The following SGCZ variants were observed in gnomAD, a reference collection of about 807,000 sequenced individuals.
The protein encoded by SGCZ is sarcoglycan zeta, also known as zeta-sarcoglycan.
In SGCZ, 40 loss-of-function variants were observed where a neutral mutation model predicts 41.3. The ratio of observed to expected loss-of-function variants is 0.97; its 90% CI spans 0.75 to 1.26. The LOEUF (loss-of-function observed/expected upper bound fraction) is 1.26, where lower values mean the gene tolerates loss of function less well. Among genes scored for constraint, SGCZ ranks in the 50% most tolerant of loss-of-function variants. The pLI is 0.00. For synonymous variants in SGCZ, 206 were observed against 137.5 expected (o/e 1.50, Z -3.49); for missense variants, 552 against 369.8 (o/e 1.49, Z -4.04).
At chr8:14,098,623 T>G (rs918670989) in intron 7 of SGCZ, among the ~76,000 whole-genome samples, 2 of 152,130 alleles carry the variant, frequency 1.3e-5, no homozygotes, top group African/African-American at 2.4e-5. Context: ...GACTGTGGTG[T>G]TTAAGTCTAC....
At chr8:14,749,804 A>C (rs1039445479) in intron 1 of SGCZ, among the ~76,000 whole-genome samples, 6 of 152,170 alleles carry the variant, frequency 3.9e-5, no homozygotes, top group Non-Finnish European at 7.3e-5. Context: ...TCCTGCCTCC[A>C]CTGGAAGACG....
chr8:14,336,847 A>C (rs1426993), intron 2 of SGCZ, among the ~76,000 whole-genome samples: 1 of 151,954 alleles, frequency 6.6e-6, no homozygotes, highest in Admixed American at 6.6e-5. Flanking sequence ...AAGAATTACT[A>C]TCATCTCTAT....
chr8:14,807,108 C>G (rs1038880820), intron 1 of SGCZ, among the ~76,000 whole-genome samples: 1 of 151,780 alleles, frequency 6.6e-6, no homozygotes, highest in African/African-American at 2.4e-5. Flanking sequence ...CTATGACAAA[C>G]CCACAGCCAA....
chr8:14,395,926 G>C (rs769813961), intron 2 of SGCZ, among the ~76,000 whole-genome samples: 10 of 152,194 alleles, frequency 6.6e-5, no homozygotes, highest in Non-Finnish European at 1.3e-4. Flanking sequence ...TTGTAGCAGA[G>C]GACAATTTCA....
At chr8:14,244,576 G>A (rs1234903044) in intron 3 of SGCZ, among the ~76,000 whole-genome samples, 2 of 151,900 alleles carry the variant, frequency 1.3e-5, no homozygotes, top group South Asian at 2.1e-4. Context: ...GGCGATGCGG[G>A]CTCTTTTTTG....
At chr8:14,684,859 AAC>A (rs1219761448) in intron 1 of SGCZ, among the ~76,000 whole-genome samples, 4 of 152,090 alleles carry the variant, frequency 2.6e-5, no homozygotes, top group Admixed American at 6.6e-5. Flanking sequence ...CCTTCACTGA[AAC>A]ACATGTGTGG....
intron 1 of SGCZ, among the ~76,000 whole-genome samples, chr8:15,047,323 C>T (rs1198595086): frequency 6.6e-6 from 1 of 151,906 alleles, no homozygotes; most frequent in East Asian, 1.9e-4. Flanking sequence ...TTTTCATTTC[C>T]CAGAAATTCT....
intron 2 of SGCZ, among the ~76,000 whole-genome samples, chr8:14,422,893 T>G (rs973724139): frequency 1.3e-5 from 2 of 151,964 alleles, no homozygotes; most frequent in Non-Finnish European, 2.9e-5. Context: ...CCAGGCATGG[T>G]GATGCACACA....
chr8:14,982,501 G>A (rs1235615661), intron 1 of SGCZ, among the ~76,000 whole-genome samples: 1 of 152,176 alleles, frequency 6.6e-6, no homozygotes, highest in Non-Finnish European at 1.5e-5. Context: ...ACATTTCACA[G>A]TGTAAACAGC....
At chr8:14,205,874 A>C (rs1011857918) in intron 4 of SGCZ, among the ~76,000 whole-genome samples, 1 of 152,154 alleles carries the variant, frequency 6.6e-6, no homozygotes, top group African/African-American at 2.4e-5. Context: ...TATTTTCATA[A>C]AAAACAAATT....
intron 3 of SGCZ, among the ~76,000 whole-genome samples, chr8:14,275,011 G>A (rs1022946935): frequency 6.6e-6 from 1 of 151,996 alleles, no homozygotes; most frequent in African/African-American, 2.4e-5. Context: ...TTATTCATTC[G>A]ATATTCAGAA....
At chr8:15,218,869 A>G (rs763549396) in intron 1 of SGCZ, among the ~76,000 whole-genome samples, 2 of 152,210 alleles carry the variant, frequency 1.3e-5, no homozygotes, top group Non-Finnish European at 2.9e-5. Context: ...GGGAATCGAC[A>G]TTTAGTAAAG....
intron 5 of SGCZ, among the ~76,000 whole-genome samples, chr8:14,119,228 C>T (rs539762843): frequency 6.6e-6 from 1 of 152,002 alleles, no homozygotes; most frequent in African/African-American, 2.4e-5. Context: ...TGTGGCCCCT[C>T]TTATTTCCTT....
At chr8:14,202,207 C>A (rs909504256) in intron 4 of SGCZ, among the ~76,000 whole-genome samples, 1 of 152,116 alleles carries the variant, frequency 6.6e-6, no homozygotes, top group Non-Finnish European at 1.5e-5. Flanking sequence ...AACGACTCAT[C>A]CAGCCATTGC....
At chr8:14,670,708 T>A (rs1808074366) in intron 1 of SGCZ, among the ~76,000 whole-genome samples, 1 of 152,160 alleles carries the variant, frequency 6.6e-6, no homozygotes, top group Admixed American at 6.5e-5. Flanking sequence ...TCCTAAGCTG[T>A]TTGCATATTT....
At chr8:14,954,947 C>T (rs1285076315) in intron 1 of SGCZ, among the ~76,000 whole-genome samples, 1 of 152,026 alleles carries the variant, frequency 6.6e-6, no homozygotes, top group Non-Finnish European at 1.5e-5. Context: ...TATTGCTTTC[C>T]CAGGTGCTAT....
chr8:14,274,736 A>G (rs961750950), intron 3 of SGCZ, among the ~76,000 whole-genome samples: 1 of 152,080 alleles, frequency 6.6e-6, no homozygotes, highest in African/African-American at 2.4e-5. Context: ...TTTTCACAAA[A>G]AAATTATACT....
intron 1 of SGCZ, among the ~76,000 whole-genome samples, chr8:15,230,929 G>A (rs563889192): frequency 6.6e-6 from 1 of 152,124 alleles, no homozygotes; most frequent in South Asian, 2.1e-4. Flanking sequence ...AAGGTTTGAG[G>A]GACATCCCCA....
At chr8:14,769,793 TAAAAAAA>T (rs565416806) in intron 1 of SGCZ, among the ~76,000 whole-genome samples, 30 of 52,208 alleles carry the variant, frequency 5.7e-4, no homozygotes, top group African/African-American at 3.6e-3. Flanking sequence ...AAAACACCAT[TAAAAAAA>T]AAAAAAAAAA....
Sources: allele counts gnomAD v4.1 joint callset (sites outside exome capture counted in the v4.1 genomes callset), GRCh38; gene constraint gnomAD v4.1.1; transcripts MANE v1.5; gene names NCBI Gene and HGNC (gene_info 2026-07-23, HGNC 2026-07-21).